The following TBC1D2B variants were observed in gnomAD, a reference collection of about 807,000 sequenced individuals.
The protein encoded by TBC1D2B is TBC1 domain family, member 2B.
Under a neutral mutation model 100.8 loss-of-function variants are expected in TBC1D2B, and 64 were observed. The observed-to-expected ratio is 0.64, with a 90% CI of 0.52 to 0.78. The LOEUF is 0.78. Ranked by LOEUF, TBC1D2B falls within the 30% of genes least tolerant of loss-of-function variation. The pLI is 0.00. For synonymous variants in TBC1D2B, 480 were observed against 479.7 expected (o/e 1.00, Z -0.01); for missense variants, 1,052 against 1,218.4 (o/e 0.86, Z 2.03).
intron 3 of TBC1D2B, among the ~76,000 whole-genome samples, chr15:78,039,222 C>A (rs2073017890): frequency 6.6e-6 from 1 of 152,214 alleles, no homozygotes; most frequent in African/African-American, 2.4e-5. Context: ...GGCTCCGGGA[C>A]AGGAAAAACT....
At chr15:78,049,538 G>C (rs1475634028) in intron 2 of TBC1D2B, among the ~76,000 whole-genome samples, 1 of 151,378 alleles carries the variant, frequency 6.6e-6, no homozygotes, top group Non-Finnish European at 1.5e-5. Context: ...TGGGGTGGGG[G>C]TTTCCCTGGG....
In TBC1D2B at chr15:78,001,736, A is replaced by G; in HGVS notation, c.2579T>C (p.Ile860Thr). 1 of 1,606,168 alleles carries G rather than the reference A, an allele frequency of 6.2e-7. No individual in the cohort carries two copies. Among genetic ancestry groups the G allele is most frequent in the Non-Finnish European group, 8.5e-7 (1 of 1,176,270 alleles). The part of the protein sequence containing the change: ...DSFLYEGPKV[I>T]FRFALALFKY... ...AAAAAGTGCCAGAGCAAAACGGAAA[A>G]TAACCTGTGGAATAAACAGGGAAAT... Residue 860 changes from isoleucine (I) to threonine (T), a missense_variant, in exon 12 of 13, where the codon ATT (isoleucine) becomes ACT (threonine). Around this residue, in one of 4 missense-constraint regions of TBC1D2B, gnomAD observed 373 missense variants for 464.9 expected, o/e 0.80. Transcript: ENST00000300584.
intron 9 of TBC1D2B, among the ~76,000 whole-genome samples, chr15:78,011,666 T>G (rs2072233615): frequency 7.5e-6 from 1 of 132,746 alleles, no homozygotes. Flanking sequence ...TTTTTTTTTT[T>G]TAGACAGAGT....
chr15:78,015,223 C>G (rs2072340387), intron 8 of TBC1D2B, among the ~76,000 whole-genome samples: 1 of 151,754 alleles, frequency 6.6e-6, no homozygotes, highest in Non-Finnish European at 1.5e-5. Context: ...TAAAACAAAA[C>G]AAAACAATAA....
intron 11 of TBC1D2B, 138 bp downstream of exon 11, chr15:78,003,167 T>C: frequency 1.5e-6 from 1 of 677,900 alleles, no homozygotes; most frequent in South Asian, 1.8e-5. Context: ...CCAGATCTAG[T>C]GCAGGCCGTG....
Position 78,013,256 on chromosome 15 carries a change from C to A in TBC1D2B, c.1837G>T (p.Ala613Ser), listed in dbSNP as rs768023792. ...TTCAGATCCAACGCGCGGACCTTGG[C>A]AACCAATTTCTCTTCCTCATCATCC... ...PEDDEEEKLVAKVRALDLKTL... is the reference protein window; with the variant it reads ...PEDDEEEKLVSKVRALDLKTL... The change falls in exon 9 of 13, where the codon GCC (alanine) becomes TCC (serine). Residue 613 changes from alanine to serine, a missense_variant. Transcript: ENST00000300584. The A allele has an allele frequency of 6.2e-7, 1 of 1,614,014 alleles. No individual in the cohort carries two copies. The highest frequency in any genetic ancestry group is 1.1e-5 in the South Asian group (1 of 91,076).
intron 3 of TBC1D2B, among the ~76,000 whole-genome samples, chr15:78,035,466 G>C (rs552616430): frequency 6.6e-6 from 1 of 152,222 alleles, no homozygotes; most frequent in Non-Finnish European, 1.5e-5. Context: ...GCAGGTGGAC[G>C]ACACTGCCAA....
chr15:78,023,368 CA>C (rs1252396489), intron 6 of TBC1D2B, among the ~76,000 whole-genome samples: 2 of 152,196 alleles, frequency 1.3e-5, no homozygotes, highest in Non-Finnish European at 2.9e-5. Flanking sequence ...ACCTCTCCCA[CA>C]AAGTCTCAAG....
chr15:78,002,813 G>A (rs77678087), intron 11 of TBC1D2B: 3,013 of 156,306 alleles, frequency 0.019, 45 homozygotes, highest in Non-Finnish European at 0.029. Flanking sequence ...ACAAACACCT[G>A]TTTATACAAT....
chr15:78,063,889 C>T (rs1182486819), intron 1 of TBC1D2B, among the ~76,000 whole-genome samples: 2 of 151,866 alleles, frequency 1.3e-5, no homozygotes, highest in Non-Finnish European at 2.9e-5. Context: ...TACCCCTGGG[C>T]CTCTGGGTCT....
At chr15:78,000,485 G>A (rs1268178727) in intron 12 of TBC1D2B, among the ~76,000 whole-genome samples, 1 of 152,218 alleles carries the variant, frequency 6.6e-6, no homozygotes, top group Non-Finnish European at 1.5e-5. Context: ...CTCACCGCAG[G>A]ACTCAGAATC....
intron 2 of TBC1D2B, among the ~76,000 whole-genome samples, chr15:78,048,256 C>A (rs1359014062): frequency 6.6e-6 from 1 of 152,200 alleles, no homozygotes. Flanking sequence ...TCTTTTCCAG[C>A]TTAATACATT....
chr15:78,036,274 A>T (rs1024174555), intron 3 of TBC1D2B, among the ~76,000 whole-genome samples: 1 of 152,226 alleles, frequency 6.6e-6, no homozygotes, highest in Non-Finnish European at 1.5e-5. Context: ...TATTGCAATG[A>T]AGTACAAACA....
chr15:78,067,474 C>T (rs2073677053), intron 1 of TBC1D2B, among the ~76,000 whole-genome samples: 1 of 152,200 alleles, frequency 6.6e-6, no homozygotes, highest in Admixed American at 6.5e-5. Flanking sequence ...CTCTCCTGAA[C>T]ACCAGAGAGC....
chr15:78,061,059 A>C (rs1377958041), intron 1 of TBC1D2B, among the ~76,000 whole-genome samples: 1 of 149,460 alleles, frequency 6.7e-6, no homozygotes, highest in South Asian at 2.1e-4. Flanking sequence ...CAGCCTGGGC[A>C]ATATGGTAAA....
In TBC1D2B at chr15:78,024,331, T is replaced by G. The variant is rs757321933; in HGVS notation, c.1295A>C (p.Lys432Thr). The G allele has an allele frequency of 1.9e-6, 3 of 1,614,082 alleles. No individual in the cohort carries two copies. In the South Asian group the frequency reaches 3.3e-5, roughly 18 times the overall value. Residue 432 changes from lysine to threonine, a missense_variant, in exon 6 of 13, where the codon AAA (lysine) becomes ACA (threonine). Lys to Thr is a moderately conservative substitution (Grantham distance 78). Transcript: ENST00000300584. ...LQQEVRTLKSKVGELNEQLGM... is the reference protein window; with the variant it reads ...LQQEVRTLKSTVGELNEQLGM... ...CAGCTGCTCGTTGAGCTCGCCCACT[T>G]TGCTCTTCAGCGTCCTTACTTCCTG...
chr15:78,040,471 C>A (rs565084907), intron 3 of TBC1D2B, among the ~76,000 whole-genome samples: 2 of 151,716 alleles, frequency 1.3e-5, no homozygotes, highest in Admixed American at 1.3e-4. Context: ...ATCACTTGAG[C>A]CCAGAAGTTC....
chr15:78,006,335 G>T (rs753689990), intron 10 of TBC1D2B, among the ~76,000 whole-genome samples: 11 of 152,148 alleles, frequency 7.2e-5, no homozygotes, highest in Non-Finnish European at 1.5e-4. Context: ...AATCCCACCC[G>T]ACTGACTGCT....
intron 8 of TBC1D2B, among the ~76,000 whole-genome samples, chr15:78,014,317 T>C (rs2072312874): frequency 6.6e-6 from 1 of 152,206 alleles, no homozygotes; most frequent in Non-Finnish European, 1.5e-5. Context: ...AGAAAACTAC[T>C]ACAAAGGCCT....
Sources: gnomAD v4.1 joint callset for allele counts (sites outside exome capture counted in the v4.1 genomes callset) on GRCh38, gnomAD v4.1.1 for gene constraint, gnomAD v4.1.1 regional missense constraint, MANE v1.5 for transcripts, NCBI Gene and HGNC (gene_info 2026-07-23, HGNC 2026-07-21) for gene names.